MKLN1: variants seen among roughly 807,000 people sequenced by gnomAD.
The protein encoded by MKLN1 is muskelin.
A neutral mutation model predicts 99.0 loss-of-function variants in MKLN1; 18 were observed. The ratio of observed to expected loss-of-function variants is 0.18; its 90% CI spans 0.13 to 0.27. The LOEUF (loss-of-function observed/expected upper bound fraction) is 0.27, where lower values mean the gene tolerates loss of function less well. MKLN1 is among the 10% of genes least tolerant of loss of function. MKLN1 has a pLI of 1.00. For missense variants in MKLN1, 621 were observed against 875.9 expected (o/e 0.71, Z 3.67); for synonymous variants, 288 against 293.2 (o/e 0.98, Z 0.18).
At chr7:131,233,661 C>T (rs889714592) in intron 3 of MKLN1, among the ~76,000 whole-genome samples, 24 of 151,474 alleles carry the variant, frequency 1.6e-4, no homozygotes, top group African/African-American at 4.6e-4. Flanking sequence ...ATGGTTTACT[C>T]GTAGAATTAT....
At chr7:131,216,256 A>G (rs386593) in intron 3 of MKLN1, among the ~76,000 whole-genome samples, 1 of 151,812 alleles carries the variant, frequency 6.6e-6, no homozygotes, top group Non-Finnish European at 1.5e-5. Context: ...AAAAAACTGT[A>G]CTGAAAATAC....
intron 3 of MKLN1, among the ~76,000 whole-genome samples, chr7:131,312,540 A>T (rs560862512): frequency 1.3e-5 from 2 of 152,148 alleles, no homozygotes; most frequent in Non-Finnish European, 2.9e-5. Flanking sequence ...AATCTTATAC[A>T]AACCTTTTAC....
chr7:131,380,506 A>G (rs1382148656), intron 2 of MKLN1, among the ~76,000 whole-genome samples: 1 of 152,246 alleles, frequency 6.6e-6, no homozygotes, highest in East Asian at 1.9e-4. Flanking sequence ...GAATGTATGC[A>G]AAAGCATTTT....
In MKLN1 at chr7:131,192,115, A is replaced by ACT. The variant is rs1190181138; in HGVS notation, c.-296-10742_-296-10741insCT. Among the ~76,000 whole-genome samples, 245 of 90,128 alleles carry ACT rather than the reference A, an allele frequency of 2.7e-3. 20 individuals carry two copies. Among genetic ancestry groups the ACT allele is most frequent in the African/African-American group, 3.9e-3 (86 of 21,824 alleles). 59.1% of individuals were successfully genotyped at this position (90,128 alleles called of 152,430 possible). ...ATATATATGTATATATATATTATAT[A>ACT]TATACGTATATATATAAAAATATAT... On this transcript the variant is annotated intron_variant, in intron 2 of 7. Coordinates refer to the MKLN1 transcript ENST00000416992.
chr7:131,205,638 G>A (rs920561990), intron 3 of MKLN1, among the ~76,000 whole-genome samples: 3 of 152,124 alleles, frequency 2.0e-5, no homozygotes, highest in Non-Finnish European at 4.4e-5. Flanking sequence ...CTTACGTGGG[G>A]GCTCGGGGGA....
chr7:131,423,094 G>A (rs1584726750), intron 8 of MKLN1, among the ~76,000 whole-genome samples: 1 of 152,134 alleles, frequency 6.6e-6, no homozygotes. Flanking sequence ...AATTTCCATT[G>A]TGTTAGGCTG....
chr7:131,166,300 A>T (rs1796123424), intron 2 of MKLN1, among the ~76,000 whole-genome samples: 1 of 152,166 alleles, frequency 6.6e-6, no homozygotes, highest in South Asian at 2.1e-4. Context: ...TTTGCCGGGA[A>T]AGATGCTGAG....
At chr7:131,128,896 A>ATTTTTTT (rs59954758) in intron 1 of MKLN1, among the ~76,000 whole-genome samples, 1 of 120,220 alleles carries the variant, frequency 8.3e-6, no homozygotes, top group African/African-American at 3.4e-5. Context: ...CACCTCACCT[A>ATTTTTTT]TTTTTTTTTT....
At chr7:131,318,459 T>G (rs1249721589) in intron 3 of MKLN1, among the ~76,000 whole-genome samples, 1 of 152,146 alleles carries the variant, frequency 6.6e-6, no homozygotes, top group Non-Finnish European at 1.5e-5. Flanking sequence ...AAAGCAGTGT[T>G]AAGATGGAAA....
Position 131,478,595 on chromosome 7 carries a change from CTTTTTTTT to C in MKLN1, c.2032-14_2032-7del, listed in dbSNP as rs3080645. 9.0e-5 allele frequency: 111 copies of C among 1,238,438 alleles called. No individual in the cohort carries two copies. Among genetic ancestry groups the C allele is most frequent in the Admixed American group, 4.2e-4 (12 of 28,488 alleles). 76.7% of individuals were successfully genotyped at this position (1,238,438 alleles called of 1,614,324 possible). ...CACTTAGCCAGCTAATTTGCTGCTT[CTTTTTTTT>C]TTTTTTTTTTTTTAAACAGTTTCAG... On this transcript the variant is annotated intron_variant, in intron 16 of 17. Transcript: ENST00000352689.
chr7:131,447,123 C>G (rs529469114), intron 12 of MKLN1, among the ~76,000 whole-genome samples: 1 of 152,190 alleles, frequency 6.6e-6, no homozygotes, highest in Admixed American at 6.5e-5. Flanking sequence ...TGCAGAACTA[C>G]AGCCAGTTTA....
At chr7:131,406,682 ACT>A (rs762118763) in intron 6 of MKLN1, among the ~76,000 whole-genome samples, 17 of 151,956 alleles carry the variant, frequency 1.1e-4, no homozygotes, top group African/African-American at 2.4e-5. Flanking sequence ...ATGCAGCTCA[ACT>A]CTCTCAGAAT....
At chr7:131,327,855 C>A, upstream of MKLN1, 2 of 1,602,294 alleles carry the variant, frequency 1.2e-6, no homozygotes, top group Non-Finnish European at 8.5e-7. Context: ...CCCCTCCTCC[C>A]GTTCGCTGCC....
Position 131,448,651 on chromosome 7 carries a change from A to AT in MKLN1, c.1525+2750dup, listed in dbSNP as rs201684676. ...ATTAAATTGTGGGATTTTTTCCATT[A>AT]TTGTGGTTTTATTAATGTGAACTGG... On this transcript the variant is annotated intron_variant, in intron 12 of 17. Transcript: ENST00000352689. 1.5e-3 allele frequency among the ~76,000 whole-genome samples: 231 copies of AT among 152,208 alleles called. No homozygotes were observed. The East Asian group carries it at 0.017, about 11-fold the overall frequency.
chr7:131,354,261 AAT>A (rs888221280), intron 1 of MKLN1, among the ~76,000 whole-genome samples: 1 of 152,066 alleles, frequency 6.6e-6, no homozygotes, highest in African/African-American at 2.4e-5. Flanking sequence ...CCACGAGCAC[AAT>A]ATGTCTTCCA....
intron 12 of MKLN1, among the ~76,000 whole-genome samples, chr7:131,452,644 G>A (rs1212567844): frequency 2.9e-5 from 4 of 136,892 alleles, no homozygotes; most frequent in Non-Finnish European, 4.6e-5. Flanking sequence ...TCTGCCTCCC[G>A]GGTTCAAGCG....
chr7:131,483,999 G>T (rs925595425), intron 17 of MKLN1, among the ~76,000 whole-genome samples: 6 of 151,782 alleles, frequency 4.0e-5, no homozygotes, highest in African/African-American at 7.3e-5. Context: ...GGTTTGTATG[G>T]GCTGTTTTAA....
chr7:131,282,590 G>C (rs1307974992), intron 3 of MKLN1, among the ~76,000 whole-genome samples: 2 of 151,930 alleles, frequency 1.3e-5, no homozygotes, highest in Non-Finnish European at 2.9e-5. Context: ...GAGGAGGAGG[G>C]ATCTGAGCTG....
chr7:131,245,023 G>A (rs1030612755), intron 3 of MKLN1, among the ~76,000 whole-genome samples: 10 of 152,116 alleles, frequency 6.6e-5, no homozygotes, highest in Admixed American at 5.2e-4. Flanking sequence ...TAGAAGGGAC[G>A]AATGAGAAAA....
Sources: allele counts gnomAD v4.1 joint callset (sites outside exome capture counted in the v4.1 genomes callset), GRCh38; gene constraint gnomAD v4.1.1; transcripts MANE v1.5; gene names NCBI Gene and HGNC (gene_info 2026-07-23, HGNC 2026-07-21).